Variants in GNG2 observed in about 807,000 individuals in gnomAD.
GNG2 encodes the protein G protein subunit gamma 2, also known as guanine nucleotide-binding protein G(I)/G(S)/G(O) subunit gamma-2.
A neutral mutation model predicts 5.5 loss-of-function variants in GNG2; 5 were observed. The observed-to-expected ratio is 0.91, with a 90% confidence interval of 0.48 to 1.92. The LOEUF is 1.92. Among genes scored for constraint, GNG2 ranks in the 30% most tolerant of loss-of-function variants. The pLI is 0.01. For synonymous variants in GNG2, 28 were observed against 32.0 expected, an observed-to-expected ratio of 0.88 and a Z score of 0.42; for missense variants, 55 against 88.4, an observed-to-expected ratio of 0.62 and a Z score of 1.52.
At chr14:51,946,888 T>C (rs1053814698) in intron 2 of GNG2, among the ~76,000 whole-genome samples, 1 of 152,270 alleles carries the variant, frequency 6.6e-6, no homozygotes, top group Admixed American at 6.5e-5. Context: ...CTTTCAGTCT[T>C]CAGGAGGGGA....
intron 2 of GNG2, among the ~76,000 whole-genome samples, chr14:51,830,554 T>C (rs1273587782): frequency 1.3e-5 from 2 of 152,224 alleles, no homozygotes; most frequent in African/African-American, 4.8e-5. Flanking sequence ...ATAAAAATGC[T>C]CTATATCCTT....
chr14:51,969,308 C>T lies in GNG2; in HGVS notation c.*2621C>T, dbSNP rs995981185. ...ATAAAGAATAATTTTACATGATCCTCAATATCAACTCCAGTTTAAAAAGTG... is the reference window on the plus strand; with the variant it reads ...ATAAAGAATAATTTTACATGATCCTTAATATCAACTCCAGTTTAAAAAGTG... On this transcript the variant is annotated 3_prime_UTR_variant, in exon 4 of 4. Coordinates refer to ENST00000556766, the MANE Select transcript of GNG2 (RefSeq NM_053064.5). 9 of 152,104 alleles carry T rather than the reference C, an allele frequency of 5.9e-5. No homozygotes were observed. The highest frequency in any genetic ancestry group is 2.2e-4 in the African/African-American group (9 of 41,424). The allele number at this position is 152,104 out of a possible 1,614,324, so 9.4% of individuals were successfully genotyped here. A position where few individuals can be genotyped will look rare whatever the true frequency, so the allele number is the denominator to read the frequency against.
intron 2 of GNG2, among the ~76,000 whole-genome samples, chr14:51,892,596 C>T (rs1884934005): frequency 6.6e-6 from 1 of 152,180 alleles, no homozygotes; most frequent in South Asian, 2.1e-4. Flanking sequence ...GCCACCAGGC[C>T]TGGGCTTCTT....
chr14:51,953,571 A>G (rs1889106771), intron 3 of GNG2, among the ~76,000 whole-genome samples: 1 of 152,188 alleles, frequency 6.6e-6, no homozygotes, highest in South Asian at 2.1e-4. Context: ...AAATCTCTGA[A>G]TCCCACTTGA....
At chr14:51,843,412 C>T (rs537076662) in intron 2 of GNG2, among the ~76,000 whole-genome samples, 12 of 152,206 alleles carry the variant, frequency 7.9e-5, no homozygotes, top group African/African-American at 2.4e-4. Context: ...GAGCATCACA[C>T]ACTGGGGCCT....
chr14:51,844,343 C>A (rs1406917995), intron 2 of GNG2, among the ~76,000 whole-genome samples: 2 of 152,212 alleles, frequency 1.3e-5, no homozygotes, highest in Non-Finnish European at 2.9e-5. Flanking sequence ...TCTCTCTCCC[C>A]AGGGTAAGCT....
intron 2 of GNG2, among the ~76,000 whole-genome samples, chr14:51,911,584 C>A (rs1886297926): frequency 6.6e-6 from 1 of 151,474 alleles, no homozygotes; most frequent in Admixed American, 6.6e-5. Flanking sequence ...TGCTCTATTA[C>A]CCAAGCTGGG....
intron 3 of GNG2, among the ~76,000 whole-genome samples, chr14:51,963,743 CTT>C (rs1362363570): frequency 6.6e-6 from 1 of 152,122 alleles, no homozygotes; most frequent in Non-Finnish European, 1.5e-5. Flanking sequence ...TATTGAACAA[CTT>C]ATATAATCTG....
intron 1 of GNG2, among the ~76,000 whole-genome samples, chr14:51,870,908 T>C (rs929369199): frequency 2.0e-5 from 3 of 152,232 alleles, no homozygotes; most frequent in Non-Finnish European, 4.4e-5. Context: ...ATGTTCATCA[T>C]AACAGACTAA....
chr14:51,966,842 C>T lies in GNG2; in HGVS notation c.*155C>T, dbSNP rs900876275. ...TATGCATGTTTAAAGATCTGGTCCC[C>T]TTTATGAGAATGCAAGCCGATCCAC... On this transcript the variant is annotated 3_prime_UTR_variant, in exon 4 of 4. Coordinates refer to ENST00000556766, the MANE Select transcript of GNG2 (RefSeq NM_053064.5). 6.7e-6 allele frequency: 4 copies of T among 597,224 alleles called. No individual in the cohort carries two copies. Among genetic ancestry groups the T allele is most frequent in the Admixed American group, 2.9e-5 (1 of 34,418 alleles). The allele number at this position is 597,224 out of a possible 1,614,324, so 37.0% of individuals were successfully genotyped here.
chr14:51,830,413 C>T (rs1251722139), intron 2 of GNG2, among the ~76,000 whole-genome samples: 1 of 152,182 alleles, frequency 6.6e-6, no homozygotes, highest in Non-Finnish European at 1.5e-5. Flanking sequence ...GACTCCTCAC[C>T]TGGACTCCAG....
chr14:51,926,567 A>G (rs1594924191), intron 2 of GNG2, among the ~76,000 whole-genome samples: 1 of 152,188 alleles, frequency 6.6e-6, no homozygotes, highest in East Asian at 1.9e-4. Flanking sequence ...TCATGTTGAG[A>G]CAGCCAAGCA....
intron 2 of GNG2, among the ~76,000 whole-genome samples, chr14:51,901,719 G>T (rs1392440918): frequency 1.3e-5 from 2 of 150,174 alleles, no homozygotes; most frequent in African/African-American, 4.9e-5. Flanking sequence ...ATTGGTGGCA[G>T]TGTTTTGGAA....
intron 2 of GNG2, among the ~76,000 whole-genome samples, chr14:51,880,967 G>GA (rs11463019): frequency 0.4 from 41,124 of 101,982 alleles, 7,751 homozygotes; most frequent in African/African-American, 0.52. Flanking sequence ...CAAAAAAAAA[G>GA]AAAAAAAAAA....
chr14:51,842,989 T>C (rs1017551465), intron 2 of GNG2, among the ~76,000 whole-genome samples: 2 of 152,090 alleles, frequency 1.3e-5, no homozygotes, highest in Non-Finnish European at 2.9e-5. Flanking sequence ...GAAGGAAAAT[T>C]TTCTTCTCCC....
chr14:51,898,562 C>A (rs778522305), intron 2 of GNG2, among the ~76,000 whole-genome samples: 8 of 152,206 alleles, frequency 5.3e-5, no homozygotes, highest in Non-Finnish European at 1.2e-4. Context: ...AATAACAGCT[C>A]CAGCAAAAGC....
chr14:51,961,569 A>T (rs1253650), intron 3 of GNG2, among the ~76,000 whole-genome samples: 23 of 152,202 alleles, frequency 1.5e-4, no homozygotes, highest in African/African-American at 5.1e-4. Flanking sequence ...TAAACTGTGA[A>T]AGCAATTTAT....
chr14:51,954,960 C>G (rs1053380024), intron 3 of GNG2, among the ~76,000 whole-genome samples: 1 of 152,086 alleles, frequency 6.6e-6, no homozygotes, highest in African/African-American at 2.4e-5. Context: ...ACAGACATAG[C>G]CCCTAGGAAT....
chr14:51,957,764 C>A (rs902028579), intron 3 of GNG2, among the ~76,000 whole-genome samples: 6 of 152,154 alleles, frequency 3.9e-5, no homozygotes, highest in Admixed American at 3.9e-4. Context: ...TGGCACAGTT[C>A]TTTAGACTTC....
Sources: gnomAD v4.1 joint callset for allele counts (sites outside exome capture counted in the v4.1 genomes callset) on GRCh38, gnomAD v4.1.1 for gene constraint, MANE v1.5 for transcripts, NCBI Gene and HGNC (gene_info 2026-07-23, HGNC 2026-07-21) for gene names.